The following NFIB variants were observed in gnomAD, a reference collection of about 807,000 sequenced individuals.
NFIB encodes the protein nuclear factor I B.
In NFIB, 11 loss-of-function variants were observed where a neutral mutation model predicts 61.5. That is an observed-to-expected ratio of 0.18 (90% confidence interval 0.11 to 0.30). The LOEUF is 0.30. NFIB is among the 10% of genes least tolerant of loss of function. The pLI, the probability that NFIB is intolerant of heterozygous loss-of-function variation, is 1.00. For synonymous variants in NFIB, 260 were observed against 216.5 expected, an observed-to-expected ratio of 1.20 and a Z score of -1.76; for missense variants, 471 against 608.9, an observed-to-expected ratio of 0.77 and a Z score of 2.38.
At chr9:14,326,698 G>GGA (rs1554713866) in intron 1 of NFIB, among the ~76,000 whole-genome samples, 1 of 125,514 alleles carries the variant, frequency 8.0e-6, no homozygotes, top group Admixed American at 8.3e-5. Flanking sequence ...GTGGTTTACA[G>GGA]AAAAAAAAAA....
the NFIB span, among the ~76,000 whole-genome samples, chr9:14,420,513 C>A: frequency 6.8e-6 from 1 of 147,350 alleles, no homozygotes; most frequent in Non-Finnish European, 1.5e-5. Flanking sequence ...ATTTTCTCCA[C>A]ACCAACCCCC....
chr9:14,365,895 C>T (rs1294996872), intron 1 of NFIB, among the ~76,000 whole-genome samples: 1 of 152,066 alleles, frequency 6.6e-6, no homozygotes, highest in Non-Finnish European at 1.5e-5. Flanking sequence ...TCTTTTCTAC[C>T]CAGGAACTCC....
intron 2 of NFIB, among the ~76,000 whole-genome samples, chr9:14,244,078 T>G (rs1228838895): frequency 6.6e-6 from 1 of 152,224 alleles, no homozygotes; most frequent in Non-Finnish European, 1.5e-5. Context: ...GAATTATATA[T>G]GAAAACACAT....
At chr9:14,204,299 G>A (rs1422232130) in intron 2 of NFIB, 7 of 703,488 alleles carry the variant, frequency 1.0e-5, no homozygotes. Flanking sequence ...GGCCCCTGCT[G>A]TCTTGAAGAA....
chr9:14,210,920 C>T (rs2050240966), intron 2 of NFIB, among the ~76,000 whole-genome samples: 1 of 152,086 alleles, frequency 6.6e-6, no homozygotes, highest in African/African-American at 2.4e-5. Flanking sequence ...TGGGAAGTTA[C>T]TCACCTTTGA....
At chr9:14,324,042 G>C (rs1355092330) in intron 1 of NFIB, among the ~76,000 whole-genome samples, 3 of 152,138 alleles carry the variant, frequency 2.0e-5, no homozygotes, top group Non-Finnish European at 2.9e-5. Flanking sequence ...CTTGGAGAAG[G>C]GGAATGAATG....
chr9:14,403,763 T>C (rs1050399899), upstream of NFIB, among the ~76,000 whole-genome samples: 2 of 152,196 alleles, frequency 1.3e-5, no homozygotes, highest in Non-Finnish European at 2.9e-5. Context: ...GTAATATCAG[T>C]GCCACTTAAA....
chr9:14,309,102 G>C (rs1179709501), intron 1 of NFIB, among the ~76,000 whole-genome samples: 2 of 152,094 alleles, frequency 1.3e-5, no homozygotes, highest in Admixed American at 1.3e-4. Flanking sequence ...TGTATCCCAA[G>C]TTAGAATTTA....
chr9:14,250,742 ATATTT>A (rs1336220274), intron 2 of NFIB, among the ~76,000 whole-genome samples: 7 of 152,248 alleles, frequency 4.6e-5, no homozygotes, highest in African/African-American at 1.4e-4. Flanking sequence ...TCTGTCAATT[ATATTT>A]TATTTTAACT....
intron 2 of NFIB, among the ~76,000 whole-genome samples, chr9:14,271,595 C>A (rs540617060): frequency 1.1e-4 from 16 of 152,100 alleles, no homozygotes; most frequent in Non-Finnish European, 4.4e-5. Context: ...ACACATGCTT[C>A]CACCTTTCAG....
chr9:14,353,692 T>A (rs2061141287), intron 1 of NFIB, among the ~76,000 whole-genome samples: 2 of 152,072 alleles, frequency 1.3e-5, no homozygotes, highest in Non-Finnish European at 2.9e-5. Flanking sequence ...CGAGCTGACG[T>A]GGAGACCCGC....
At chr9:14,113,492 C>T (rs1029711692) in intron 9 of NFIB, among the ~76,000 whole-genome samples, 8 of 151,992 alleles carry the variant, frequency 5.3e-5, no homozygotes, top group South Asian at 2.1e-4. Flanking sequence ...ACTGAAAGTC[C>T]GCCAGGAAAA....
intron 2 of NFIB, among the ~76,000 whole-genome samples, chr9:14,221,609 T>A (rs1277148334): frequency 6.6e-6 from 1 of 152,150 alleles, no homozygotes; most frequent in Non-Finnish European, 1.5e-5. Context: ...ACAGAGCTGG[T>A]CCTGTCTTCT....
chr9:14,501,829 C>A, the NFIB span, among the ~76,000 whole-genome samples: 1 of 152,212 alleles, frequency 6.6e-6, no homozygotes, highest in African/African-American at 2.4e-5. Flanking sequence ...CTTCTCTCCC[C>A]CTGCCTTGGA....
At chr9:14,406,727 C>T in the NFIB span, among the ~76,000 whole-genome samples, 1 of 152,162 alleles carries the variant, frequency 6.6e-6, no homozygotes, top group Non-Finnish European at 1.5e-5. Context: ...CAGTCTTGAC[C>T]TATAAAAAAG....
At chr9:14,467,030 T>G in the NFIB span, among the ~76,000 whole-genome samples, 1 of 152,284 alleles carries the variant, frequency 6.6e-6, no homozygotes, top group African/African-American at 2.4e-5. Flanking sequence ...GATCCCGGCA[T>G]GCCAGGGCAA....
intron 1 of NFIB, chr9:14,357,116 G>T (rs1006191354): frequency 5.9e-5 from 9 of 152,192 alleles, no homozygotes; most frequent in Non-Finnish European, 1.3e-4. Context: ...AAGAGTTGCT[G>T]TATAAATTAA....
intron 2 of NFIB, among the ~76,000 whole-genome samples, chr9:14,211,563 C>T (rs1028371363): frequency 5.9e-5 from 9 of 152,214 alleles, no homozygotes; most frequent in African/African-American, 1.9e-4. Flanking sequence ...ACTCAAGGCA[C>T]GGAACTGGAC....
chr9:14,262,214 T>C (rs2056823977), intron 2 of NFIB, among the ~76,000 whole-genome samples: 1 of 152,156 alleles, frequency 6.6e-6, no homozygotes, highest in East Asian at 1.9e-4. Context: ...CTGGCTTTGA[T>C]TGTGAGGGTC....
Sources: gnomAD v4.1 joint callset for allele counts (sites outside exome capture counted in the v4.1 genomes callset) on GRCh38, gnomAD v4.1.1 for gene constraint, MANE v1.5 for transcripts, NCBI Gene and HGNC (gene_info 2026-07-23, HGNC 2026-07-21) for gene names.